The following EDDM13 variants were observed in gnomAD, a reference collection of about 807,000 sequenced individuals.
The protein encoded by EDDM13 is epididymal protein 13.
In EDDM13, 24 loss-of-function variants were observed where a neutral mutation model predicts 17.8. That is an observed-to-expected ratio of 1.35 (90% CI 0.98 to 1.90). The LOEUF (loss-of-function observed/expected upper bound fraction) is 1.90. Ranked by LOEUF, EDDM13 falls within the 40% of genes most tolerant of loss-of-function variation. The pLI is 0.00. For missense variants in EDDM13, 97 were observed against 100.8 expected (o/e 0.96, Z 0.16); for synonymous variants, 31 against 37.5 (o/e 0.83, Z 0.63).
chr19:56,302,325 C>T (rs116128793), intron 13 of EDDM13, among the ~76,000 whole-genome samples: 1,691 of 143,446 alleles, frequency 0.012, 19 homozygotes, highest in Non-Finnish European at 0.017. Flanking sequence ...TCCCTCCCTC[C>T]CCTTCCTCCT....
chr19:56,278,461 T>G (rs547575990), intron 2 of EDDM13, among the ~76,000 whole-genome samples: 65 of 152,244 alleles, frequency 4.3e-4, no homozygotes, highest in African/African-American at 1.5e-3. Flanking sequence ...TTGAAGCAAA[T>G]GAAAATCTAA....
chr19:56,288,800 G>A (rs1326607306), intron 7 of EDDM13, among the ~76,000 whole-genome samples, 74 bp from the exon 8 acceptor site: 7 of 152,164 alleles, frequency 4.6e-5, no homozygotes, highest in African/African-American at 4.8e-5. Context: ...TCTGAGACCC[G>A]TGTCTTAATG....
At chr19:56,308,349 AG>A (rs1402708640) in intron 14 of EDDM13, among the ~76,000 whole-genome samples, 1 of 121,854 alleles carries the variant, frequency 8.2e-6, no homozygotes, top group Non-Finnish European at 1.8e-5. Flanking sequence ...TTTGAGATGG[AG>A]GCTCACTCTG....
At chr19:56,298,101 G>A (rs987544141) in intron 12 of EDDM13, 1 of 149,588 alleles carries the variant, frequency 6.7e-6, no homozygotes, top group Non-Finnish European at 1.5e-5. Flanking sequence ...CAACACTAAT[G>A]GTTGGTTCTT....
intron 13 of EDDM13, among the ~76,000 whole-genome samples, chr19:56,302,511 TTCCTTCCTCCCTCCCTCCCTC>T (rs1420958793): frequency 1.9e-4 from 5 of 26,684 alleles, no homozygotes; most frequent in African/African-American, 1.2e-3. Flanking sequence ...CTGCCCTTCT[TTCCTTCCTCCCTCCCTCCCTC>T]TTCTTCCTCC....
intron 1 of EDDM13, 53 bp downstream of exon 1, chr19:56,272,972 G>A: frequency 9.5e-6 from 8 of 844,272 alleles, no homozygotes; most frequent in Non-Finnish European, 1.1e-5. Flanking sequence ...TACAACTTGG[G>A]AGGCTCTTGT....
chr19:56,309,211 A>G (rs1035804142), intron 14 of EDDM13, among the ~76,000 whole-genome samples: 3 of 152,248 alleles, frequency 2.0e-5, no homozygotes, highest in Non-Finnish European at 2.9e-5. Context: ...AAGATCACAC[A>G]GTAGATGATG....
At chr19:56,305,241 C>T (rs1414342719) in intron 14 of EDDM13, among the ~76,000 whole-genome samples, 1 of 150,796 alleles carries the variant, frequency 6.6e-6, no homozygotes, top group Non-Finnish European at 1.5e-5. Context: ...TGTACCAAGA[C>T]ATCGTCTCTT....
At chr19:56,299,610 C>T (rs1485934788) in intron 12 of EDDM13, among the ~76,000 whole-genome samples, 3 of 152,184 alleles carry the variant, frequency 2.0e-5, no homozygotes, top group African/African-American at 4.8e-5. Flanking sequence ...TAGCAAAATT[C>T]CTTGATGTTC....
chr19:56,276,498 A>T (rs2038266068), intron 2 of EDDM13, among the ~76,000 whole-genome samples: 1 of 134,928 alleles, frequency 7.4e-6, no homozygotes, highest in Non-Finnish European at 1.6e-5. Flanking sequence ...TTAAGGATCT[A>T]AAGAGCTCTT....
chr19:56,275,686 T>C (rs1450181724), intron 1 of EDDM13, among the ~76,000 whole-genome samples: 1 of 152,222 alleles, frequency 6.6e-6, no homozygotes, highest in Middle Eastern at 3.2e-3. Flanking sequence ...TGTAAGATGT[T>C]TGGGACATCC....
chr19:56,303,064 A>G (rs2040450895), intron 13 of EDDM13: 3 of 394,032 alleles, frequency 7.6e-6, no homozygotes, highest in Non-Finnish European at 1.3e-5. Flanking sequence ...AGGAGGTGAC[A>G]CCTCTGCTGT....
rs1354736929 is a variant in EDDM13 at position 56,302,515 on chromosome 19, T to TCCC, written c.423+420_423+421insCCC. Among the ~76,000 whole-genome samples the TCCC allele has an allele frequency of 8.7e-4, 23 of 26,456 alleles. 1 individual carries two copies. Among genetic ancestry groups the TCCC allele is most frequent in the African/African-American group, 6.1e-3 (23 of 3,794 alleles). 17.4% of individuals were successfully genotyped at this position (26,456 alleles called of 152,430 possible). ...TTCTTCCCTCTCTGCCCTTCTTTCC[T>TCCC]TCCTCCCTCCCTCCCTCTTCTTCCT... On this transcript the variant is annotated intron_variant, in intron 13 of 14. Transcript: ENST00000649256.
Position 56,301,953 on chromosome 19 carries a change from C to T in EDDM13, c.296-15C>T. ...GAAGGCCATCAGCATCAATCATCTCCACGGTTCTCTCCAGTTAAACCCTTC... is the reference window on the plus strand; with the variant it reads ...GAAGGCCATCAGCATCAATCATCTCTACGGTTCTCTCCAGTTAAACCCTTC... On this transcript the variant is annotated splice_polypyrimidine_tract_variant and intron_variant, in intron 12 of 14. Coordinates refer to ENST00000649256, the MANE Select transcript of EDDM13 (RefSeq NM_001354658.2). 1 of 1,232,070 alleles carries T rather than the reference C, an allele frequency of 8.1e-7. No homozygotes were observed. 76.3% of individuals were successfully genotyped at this position (1,232,070 alleles called of 1,614,324 possible).
At chr19:56,298,083 A>T (rs2039994996) in intron 12 of EDDM13, 1 of 151,600 alleles carries the variant, frequency 6.6e-6, no homozygotes, top group South Asian at 2.1e-4. Context: ...AAAAAAAAAA[A>T]GCCAGAACAA....
At position 56,281,706 on chromosome 19, in the gene EDDM13, A is replaced by C. The variant is rs1027498346; in HGVS notation, c.109+8A>C. The C allele has an allele frequency of 4.1e-5, 40 of 985,220 alleles. No homozygotes were observed. The African/African-American group carries it at 5.8e-4, about 14-fold the overall frequency. The allele number at this position is 985,220 out of a possible 1,614,324, so 61.0% of individuals were successfully genotyped here. A position where few individuals can be genotyped will look rare whatever the true frequency, so the allele number is the denominator to read the frequency against. On this transcript the variant is annotated splice_region_variant and intron_variant, in intron 3 of 14. Coordinates refer to ENST00000649256, the MANE Select transcript of EDDM13 (RefSeq NM_001354658.2). ...TGCCCCTTCCAGTCAACTGTAAGTC[A>C]TATCTCCTTCTCCCTACATAAATGG...
At chr19:56,306,515 T>C (rs571867362) in intron 14 of EDDM13, among the ~76,000 whole-genome samples, 12 of 19,244 alleles carry the variant, frequency 6.2e-4, no homozygotes, top group East Asian at 4.4e-3. Flanking sequence ...CTTCCCTTGA[T>C]AGCTACAAAG....
At chr19:56,281,880 CG>C (rs2038737450) in intron 3 of EDDM13, among the ~76,000 whole-genome samples, 182 bp downstream of exon 3, 1 of 152,160 alleles carries the variant, frequency 6.6e-6, no homozygotes, top group South Asian at 2.1e-4. Context: ...GGGGTGGGAA[CG>C]GTGCAACTGG....
At chr19:56,301,090 C>G (rs527756415) in intron 12 of EDDM13, among the ~76,000 whole-genome samples, 131 of 152,124 alleles carry the variant, frequency 8.6e-4, no homozygotes, top group Non-Finnish European at 1.4e-3. Context: ...CGATCAAGAC[C>G]CCCAGAGAGG....
Sources: gnomAD v4.1 joint callset for allele counts (sites outside exome capture counted in the v4.1 genomes callset) on GRCh38, gnomAD v4.1.1 for gene constraint, MANE v1.5 for transcripts, NCBI Gene and HGNC (gene_info 2026-07-23, HGNC 2026-07-21) for gene names.